The following HCN1 variants were observed in gnomAD, a reference collection of about 807,000 sequenced individuals.
The protein encoded by HCN1 is hyperpolarization activated cyclic nucleotide gated potassium channel 1.
HCN1 carries 13 observed loss-of-function variants against 78.9 expected under a neutral mutation model. That is an observed-to-expected ratio of 0.16 (90% CI 0.11 to 0.26). HCN1 has a LOEUF of 0.26. HCN1 is among the 10% of genes least tolerant of loss of function. HCN1 has a pLI of 1.00. For missense variants in HCN1, 810 were observed against 1,154.3 expected, an observed-to-expected ratio of 0.70 and a Z score of 4.32; for synonymous variants, 552 against 455.5, an observed-to-expected ratio of 1.21 and a Z score of -2.70.
chr5:45,271,359 T>TAC (rs34016747), intron 6 of HCN1, among the ~76,000 whole-genome samples: 9,974 of 137,300 alleles, frequency 0.073, 422 homozygotes, highest in Admixed American at 0.13. Context: ...CTGATTCAGG[T>TAC]ACACACACAC....
intron 3 of HCN1, among the ~76,000 whole-genome samples, chr5:45,411,947 C>T (rs1740032419): frequency 6.6e-6 from 1 of 152,000 alleles, no homozygotes; most frequent in Non-Finnish European, 1.5e-5. Context: ...AAGCAGAATG[C>T]CAAGTTTGCC....
intron 2 of HCN1, among the ~76,000 whole-genome samples, chr5:45,517,015 A>G (rs1328658552): frequency 6.6e-6 from 1 of 152,168 alleles, no homozygotes; most frequent in East Asian, 1.9e-4. Flanking sequence ...TGATTTATGC[A>G]TAAAGAGAAT....
chr5:45,393,910 G>C (rs1739635131), intron 4 of HCN1, among the ~76,000 whole-genome samples: 1 of 152,054 alleles, frequency 6.6e-6, no homozygotes, highest in Non-Finnish European at 1.5e-5. Flanking sequence ...ATAACTCCTG[G>C]AGGCTTCAGT....
At chr5:45,366,406 A>T (rs1159259432) in intron 4 of HCN1, among the ~76,000 whole-genome samples, 2 of 151,776 alleles carry the variant, frequency 1.3e-5, no homozygotes, top group Non-Finnish European at 2.9e-5. Flanking sequence ...ATAGATGATA[A>T]ATTATTATGT....
intron 5 of HCN1, among the ~76,000 whole-genome samples, chr5:45,329,065 T>C (rs970094188): frequency 6.6e-5 from 10 of 151,564 alleles, no homozygotes; most frequent in African/African-American, 2.2e-4. Context: ...ATTAGGAAAA[T>C]AGATTCAAGA....
intron 2 of HCN1, among the ~76,000 whole-genome samples, chr5:45,557,400 T>C (rs1223202712): frequency 3.3e-5 from 5 of 152,132 alleles, no homozygotes; most frequent in East Asian, 3.9e-4. Context: ...TCTACATTAC[T>C]GGGCAGACAA....
intron 2 of HCN1, among the ~76,000 whole-genome samples, chr5:45,549,857 C>A (rs1743324511): frequency 6.6e-6 from 1 of 152,148 alleles, no homozygotes; most frequent in Non-Finnish European, 1.5e-5. Flanking sequence ...AGACACTTCT[C>A]AAAAGAAGAC....
chr5:45,672,769 A>T (rs1746176228), intron 1 of HCN1, among the ~76,000 whole-genome samples: 1 of 151,398 alleles, frequency 6.6e-6, no homozygotes, highest in Non-Finnish European at 1.5e-5. Flanking sequence ...GTCCTTGTTA[A>T]TTAATTCTGC....
intron 2 of HCN1, among the ~76,000 whole-genome samples, chr5:45,598,598 G>A (rs561825658): frequency 6.8e-4 from 103 of 152,076 alleles, no homozygotes; most frequent in African/African-American, 2.2e-3. Context: ...GCTTCTGCAC[G>A]GCAAAAGAGA....
intron 4 of HCN1, among the ~76,000 whole-genome samples, chr5:45,362,448 T>G (rs568163935): frequency 1.3e-5 from 2 of 152,204 alleles, no homozygotes; most frequent in South Asian, 4.1e-4. Context: ...GAGAAATCTA[T>G]TTTTTCTCCT....
In HCN1 at chr5:45,534,353, G is replaced by A. The variant is rs1043043619; in HGVS notation, c.850-72346C>T. ...AGAGGTTGCAATGAGCCAAGATCCC[G>A]CCATTGCATTCCATGCATTCCAGCC... On this transcript the variant is annotated intron_variant, in intron 2 of 7. Transcript: ENST00000303230. 4.9e-5 allele frequency among the ~76,000 whole-genome samples: 6 copies of A among 122,000 alleles called. No individual in the cohort carries two copies. In the East Asian group the frequency reaches 1.1e-3, roughly 22 times the overall value. 80.0% of individuals were successfully genotyped at this position (122,000 alleles called of 152,430 possible).
At chr5:45,486,774 GA>G (rs1741772929) in intron 2 of HCN1, among the ~76,000 whole-genome samples, 1 of 151,930 alleles carries the variant, frequency 6.6e-6, no homozygotes, top group African/African-American at 2.4e-5. Flanking sequence ...AATATCACAA[GA>G]AAAGATATTG....
intron 4 of HCN1, among the ~76,000 whole-genome samples, chr5:45,362,154 TTGTG>T (rs200176463): frequency 0.017 from 2,445 of 142,578 alleles, 22 homozygotes; most frequent in Middle Eastern, 0.021. Flanking sequence ...GTGTGTGTGT[TTGTG>T]TGTGTGTGTG....
intron 4 of HCN1, among the ~76,000 whole-genome samples, chr5:45,385,644 A>G (rs373478809): frequency 1.3e-5 from 2 of 148,930 alleles, no homozygotes; most frequent in Non-Finnish European, 2.9e-5. Context: ...TTTGCAAGGT[A>G]TGTTTCAGTG....
At chr5:45,487,614 T>C (rs1741794499) in intron 2 of HCN1, among the ~76,000 whole-genome samples, 1 of 152,096 alleles carries the variant, frequency 6.6e-6, no homozygotes, top group African/African-American at 2.4e-5. Flanking sequence ...TTCAAAGACA[T>C]ATGTGCACAT....
chr5:45,659,226 G>C (rs1411043101), intron 1 of HCN1, among the ~76,000 whole-genome samples: 5 of 145,218 alleles, frequency 3.4e-5, no homozygotes, highest in Non-Finnish European at 7.5e-5. Context: ...TATTCTAACA[G>C]ACCTGCAGCT....
intron 3 of HCN1, among the ~76,000 whole-genome samples, chr5:45,438,510 G>C (rs1579894922): frequency 6.6e-6 from 1 of 151,118 alleles, no homozygotes; most frequent in East Asian, 2.0e-4. Context: ...AGAATGGCGT[G>C]AACCTGGGAG....
chr5:45,377,848 T>C (rs1448547740), intron 4 of HCN1, among the ~76,000 whole-genome samples: 3 of 151,936 alleles, frequency 2.0e-5, no homozygotes, highest in Admixed American at 1.3e-4. Context: ...TATAGAAAGA[T>C]GGTATTTAGT....
rs775932176 is a variant in HCN1 at position 45,392,215 on chromosome 5, G to T, written c.1230+4277C>A. ...TTTGGTCCCTCACCTTTTGTGTCTG[G>T]GTGTACCATTAGCTTACACAAATTT... On this transcript the variant is annotated intron_variant, in intron 4 of 7. Transcript: ENST00000303230. Among the ~76,000 whole-genome samples, 4 of 151,766 alleles carry T rather than the reference G, an allele frequency of 2.6e-5. No homozygotes were observed. In the South Asian group the frequency reaches 6.2e-4, roughly 24 times the overall value.
Sources: allele counts gnomAD v4.1 joint callset (sites outside exome capture counted in the v4.1 genomes callset), GRCh38; gene constraint gnomAD v4.1.1; transcripts MANE v1.5; gene names NCBI Gene and HGNC (gene_info 2026-07-23, HGNC 2026-07-21).